The following M1AP variants were observed in gnomAD, a reference collection of about 807,000 sequenced individuals.
The protein encoded by M1AP is meiosis 1 associated protein, also known as meiosis 1 arrest protein.
M1AP carries 39 observed loss-of-function variants against 51.2 expected under a neutral mutation model. The ratio of observed to expected loss-of-function variants is 0.76; its 90% confidence interval spans 0.59 to 1.00. The LOEUF (loss-of-function observed/expected upper bound fraction) is 1.00, where lower values mean the gene tolerates loss of function less well. Ranked by LOEUF, M1AP falls within the 50% of genes least tolerant of loss-of-function variation. M1AP has a pLI of 0.00. For missense variants in M1AP, 545 were observed against 641.2 expected (o/e 0.85, Z 1.62); for synonymous variants, 251 against 249.2 (o/e 1.01, Z -0.07).
At chr2:74,600,520 A>G in intron 4 of M1AP, among the ~76,000 whole-genome samples, 1 of 152,216 alleles carries the variant, frequency 6.6e-6, no homozygotes, top group East Asian at 1.9e-4. Flanking sequence ...ATCCAGCATT[A>G]GGGATCTGTT....
intron 2 of M1AP, among the ~76,000 whole-genome samples, chr2:74,619,824 C>T (rs971952210): frequency 1.1e-4 from 16 of 152,036 alleles, no homozygotes; most frequent in Non-Finnish European, 1.2e-4. Context: ...CTTGTACTGA[C>T]GGAATGAATG....
rs367990203 is a variant in M1AP at position 74,576,553 on chromosome 2, C to T, written c.835G>A (p.Gly279Ser). 2.3e-5 allele frequency: 37 copies of T among 1,614,084 alleles called. No homozygotes were observed. The highest frequency in any genetic ancestry group is 5.5e-5 in the South Asian group (5 of 91,070). Residue 279 changes from glycine to serine, a missense_variant, in exon 6 of 11, where the codon GGC becomes AGC. Coordinates refer to ENST00000421985, the MANE Select transcript of M1AP (RefSeq NM_001321739.2). Reference sequence around the variant, plus strand: ...TTAGGGTCATCCATTCTCAAGGAGCCGTCAGCTGTGCCAGCGAGTAGGGAT... The same window carrying T: ...TTAGGGTCATCCATTCTCAAGGAGCTGTCAGCTGTGCCAGCGAGTAGGGAT... The part of the protein sequence containing the change: ...CPSLLAGTAD[G>S]SLRMDDPKGD...
chr2:74,641,478 T>C (rs938644748), intron 1 of M1AP, among the ~76,000 whole-genome samples: 1 of 152,212 alleles, frequency 6.6e-6, no homozygotes, highest in Non-Finnish European at 1.5e-5. Flanking sequence ...GACAAATTCC[T>C]AGAAAAATGT....
chr2:74,639,072 TA>T (rs1683142472), intron 2 of M1AP, among the ~76,000 whole-genome samples: 1 of 152,178 alleles, frequency 6.6e-6, no homozygotes, highest in Admixed American at 6.5e-5. Context: ...TGTCAAGAAA[TA>T]AACCATGAGT....
At chr2:74,608,748 G>A (rs1269808906) in intron 3 of M1AP, among the ~76,000 whole-genome samples, 1 of 152,202 alleles carries the variant, frequency 6.6e-6, no homozygotes, top group African/African-American at 2.4e-5. Flanking sequence ...CCAGCATTTG[G>A]TGTTGTCAGT....
chr2:74,614,668 CA>C (rs1201387995), intron 3 of M1AP, among the ~76,000 whole-genome samples: 1 of 152,116 alleles, frequency 6.6e-6, no homozygotes, highest in Non-Finnish European at 1.5e-5. Context: ...TTACAACTTC[CA>C]AAAATCCAGA....
chr2:74,573,542 G>A (rs937617909), intron 7 of M1AP, among the ~76,000 whole-genome samples: 1 of 147,616 alleles, frequency 6.8e-6, no homozygotes, highest in Non-Finnish European at 1.5e-5. Flanking sequence ...TAGTAGCTGT[G>A]GGATTTCACC....
At chr2:74,628,376 A>T (rs921876424) in intron 2 of M1AP, 3 of 382,932 alleles carry the variant, frequency 7.8e-6, no homozygotes, top group African/African-American at 4.2e-5. Flanking sequence ...GCTTTACAAG[A>T]TACGAGGTAG....
intron 2 of M1AP, among the ~76,000 whole-genome samples, chr2:74,636,846 T>C (rs1396871924): frequency 6.6e-6 from 1 of 152,218 alleles, no homozygotes; most frequent in Non-Finnish European, 1.5e-5. Context: ...CTCAAAGTGC[T>C]AAGATTATAG....
chr2:74,570,334 A>G (rs1247672549), intron 7 of M1AP, among the ~76,000 whole-genome samples: 1 of 152,170 alleles, frequency 6.6e-6, no homozygotes, highest in Non-Finnish European at 1.5e-5. Context: ...TGACTCCTCC[A>G]AAAAGAGAAG....
At chr2:74,576,893 C>G in intron 5 of M1AP, 1 of 1,166,720 alleles carries the variant, frequency 8.6e-7, no homozygotes, top group South Asian at 2.4e-5. Context: ...ACTTGTTTTA[C>G]TTCTGGGCTG....
chr2:74,625,301 A>G (rs1682316231), intron 2 of M1AP, among the ~76,000 whole-genome samples: 2 of 152,126 alleles, frequency 1.3e-5, no homozygotes, highest in South Asian at 4.1e-4. Flanking sequence ...GGAGTTTTCT[A>G]TGTATGTAGA....
At chr2:74,560,054 G>T in intron 9 of M1AP, 97 bp downstream of exon 9, 1 of 1,329,238 alleles carries the variant, frequency 7.5e-7, no homozygotes, top group Non-Finnish European at 1.0e-6. Flanking sequence ...CTTGGATGGG[G>T]GCGGTGTTGG....
At chr2:74,645,717 G>C (rs1683570596) in intron 1 of M1AP, among the ~76,000 whole-genome samples, 1 of 152,180 alleles carries the variant, frequency 6.6e-6, no homozygotes, top group Non-Finnish European at 1.5e-5. Flanking sequence ...AACTACCTCT[G>C]AGCTGCTATT....
chr2:74,640,847 T>C (rs1003395019), intron 1 of M1AP, among the ~76,000 whole-genome samples: 4 of 152,202 alleles, frequency 2.6e-5, no homozygotes, highest in Non-Finnish European at 4.4e-5. Context: ...GTGGAACTAA[T>C]CAAAAGTTAC....
chr2:74,618,201 G>T (rs1681782947), intron 2 of M1AP, among the ~76,000 whole-genome samples: 1 of 152,196 alleles, frequency 6.6e-6, no homozygotes, highest in Non-Finnish European at 1.5e-5. Context: ...GATCACAGAT[G>T]TAATCAGCAG....
chr2:74,590,155 C>T (rs1215111027), intron 4 of M1AP, among the ~76,000 whole-genome samples: 2 of 152,074 alleles, frequency 1.3e-5, no homozygotes, highest in African/African-American at 2.4e-5. Context: ...GGCTTATAAG[C>T]AACAGAAATA....
intron 4 of M1AP, among the ~76,000 whole-genome samples, chr2:74,582,646 G>A (rs1036351449): frequency 1.3e-5 from 2 of 152,108 alleles, no homozygotes; most frequent in Non-Finnish European, 2.9e-5. Flanking sequence ...AATAGGGCAG[G>A]GTTCTGAGAT....
chr2:74,598,861 A>G (rs897756396), intron 4 of M1AP, among the ~76,000 whole-genome samples: 3 of 151,964 alleles, frequency 2.0e-5, no homozygotes, highest in Non-Finnish European at 4.4e-5. Context: ...GGCTCAAGTG[A>G]TCCTCCTGCC....
Sources: gnomAD v4.1 joint callset for allele counts (sites outside exome capture counted in the v4.1 genomes callset) on GRCh38, gnomAD v4.1.1 for gene constraint, MANE v1.5 for transcripts, NCBI Gene and HGNC (gene_info 2026-07-23, HGNC 2026-07-21) for gene names.